The following PSD3 variants were observed in gnomAD, a reference collection of about 807,000 sequenced individuals.
PSD3 encodes the protein PH and SEC7 domain-containing protein 3.
Under a neutral mutation model 105.5 loss-of-function variants are expected in PSD3, and 49 were observed. The ratio of observed to expected loss-of-function variants is 0.46; its 90% CI spans 0.37 to 0.59. The LOEUF is 0.59. Ranked by LOEUF, PSD3 falls within the 20% of genes least tolerant of loss-of-function variation. PSD3 has a pLI of 0.00. For synonymous variants in PSD3, 557 were observed against 457.8 expected, an observed-to-expected ratio of 1.22 and a Z score of -2.77; for missense variants, 1,561 against 1,263.8, an observed-to-expected ratio of 1.24 and a Z score of -3.57.
At chr8:18,619,643 CAAA>C (rs201102600) in intron 11 of PSD3, among the ~76,000 whole-genome samples, 2 of 115,566 alleles carry the variant, frequency 1.7e-5, no homozygotes, top group Admixed American at 8.8e-5. Context: ...AACCTCATCT[CAAA>C]AAAAAAAAAA....
intron 9 of PSD3, among the ~76,000 whole-genome samples, chr8:18,665,870 C>G (rs1799423256): frequency 6.6e-6 from 1 of 152,266 alleles, no homozygotes; most frequent in African/African-American, 2.4e-5. Context: ...ACAAACAAAA[C>G]TAATGATGCA....
chr8:19,064,024 C>A (rs1430398179), intron 1 of PSD3, among the ~76,000 whole-genome samples: 1 of 151,886 alleles, frequency 6.6e-6, no homozygotes, highest in African/African-American at 2.4e-5. Flanking sequence ...ACCTGTAATC[C>A]CAGCTACTCC....
chr8:18,961,398 A>G (rs1267961223), intron 1 of PSD3, among the ~76,000 whole-genome samples: 1 of 152,174 alleles, frequency 6.6e-6, no homozygotes, highest in Non-Finnish European at 1.5e-5. Flanking sequence ...ATAAAAATAA[A>G]TATATGCAGG....
At chr8:18,917,687 C>G in intron 2 of PSD3, among the ~76,000 whole-genome samples, 1 of 152,120 alleles carries the variant, frequency 6.6e-6, no homozygotes, top group Non-Finnish European at 1.5e-5. Flanking sequence ...TTTGCTCTTG[C>G]GATTTCCCAC....
chr8:18,692,990 C>G (rs1222219325), intron 9 of PSD3, among the ~76,000 whole-genome samples: 2 of 152,144 alleles, frequency 1.3e-5, no homozygotes, highest in African/African-American at 4.8e-5. Context: ...GGTACTAGCT[C>G]AACCTCAAGT....
chr8:18,660,470 G>A (rs1032027479), intron 9 of PSD3, among the ~76,000 whole-genome samples: 1 of 152,298 alleles, frequency 6.6e-6, no homozygotes, highest in African/African-American at 2.4e-5. Flanking sequence ...TAGCGTACTA[G>A]AGAATAGCAG....
rs564524098 is a variant in PSD3, at chr8:18,758,702, T to C, written c.2172+6747A>G. Among the ~76,000 whole-genome samples the C allele has an allele frequency of 2.6e-5, 4 of 152,286 alleles. No homozygotes were observed. The South Asian group carries it at 8.3e-4, about 32-fold the overall frequency. On this transcript the variant is annotated intron_variant, in intron 9 of 15. Transcript: ENST00000327040. ...TTTATCTTTGCTGATCTTTTGAGTC[T>C]GTTTAAATTCTACCTTCTTGGCTAA...
chr8:18,649,372 C>G (rs750472835), intron 10 of PSD3, among the ~76,000 whole-genome samples: 2 of 152,222 alleles, frequency 1.3e-5, no homozygotes. Context: ...TAATGACTGT[C>G]CTGCCGGGGT....
intron 1 of PSD3, among the ~76,000 whole-genome samples, chr8:19,012,484 A>G (rs543995734): frequency 2.0e-5 from 3 of 152,214 alleles, no homozygotes; most frequent in Admixed American, 2.0e-4. Flanking sequence ...TTTCCCTCAC[A>G]TCTCACAAAA....
At chr8:19,053,662 G>A (rs76692981) in intron 1 of PSD3, among the ~76,000 whole-genome samples, 6,759 of 152,050 alleles carry the variant, frequency 0.044, 493 homozygotes, top group African/African-American at 0.15. Flanking sequence ...GGTGGTGGTG[G>A]GCGCCTGTAG....
chr8:18,825,347 T>G (rs78714088), intron 4 of PSD3, among the ~76,000 whole-genome samples: 1 of 152,208 alleles, frequency 6.6e-6, no homozygotes, highest in Non-Finnish European at 1.5e-5. Flanking sequence ...CCTGGGAAGC[T>G]TGTTAAAAAC....
chr8:18,794,954 C>T (rs996233909), intron 8 of PSD3, among the ~76,000 whole-genome samples: 2 of 152,142 alleles, frequency 1.3e-5, no homozygotes, highest in African/African-American at 4.8e-5. Context: ...TTATAATAGT[C>T]ATTTTCCACT....
chr8:18,675,300 T>G lies in PSD3; in HGVS notation c.2173-19615A>C, dbSNP rs542827745. 8.4e-4 allele frequency among the ~76,000 whole-genome samples: 128 copies of G among 152,284 alleles called. 1 individual carries two copies. Among genetic ancestry groups the G allele is most frequent in the African/African-American group, 1.9e-3 (81 of 41,554 alleles). On this transcript the variant is annotated intron_variant, in intron 9 of 15. Transcript: ENST00000327040. ...CTGTAAACACCTTGGCCTGCCCCAG[T>G]GGATTTCTGAGTAGTAGAGCTGACG...
At chr8:18,941,019 C>A (rs1031605938) in intron 1 of PSD3, among the ~76,000 whole-genome samples, 1 of 152,186 alleles carries the variant, frequency 6.6e-6, no homozygotes, top group African/African-American at 2.4e-5. Context: ...CATAGCAAGG[C>A]TTATAAATTT....
At chr8:18,898,497 A>C (rs534643826) in intron 2 of PSD3, among the ~76,000 whole-genome samples, 2 of 152,236 alleles carry the variant, frequency 1.3e-5, no homozygotes, top group South Asian at 2.1e-4. Context: ...TTGACCTTTG[A>C]ATAAGATGGG....
intron 2 of PSD3, among the ~76,000 whole-genome samples, chr8:18,890,676 C>T (rs1490710354): frequency 6.6e-6 from 1 of 152,138 alleles, no homozygotes; most frequent in Non-Finnish European, 1.5e-5. Flanking sequence ...TACAAGTCAC[C>T]TGCAAACCTC....
chr8:18,890,234 AC>A (rs1818702359), intron 2 of PSD3, among the ~76,000 whole-genome samples: 2 of 152,226 alleles, frequency 1.3e-5, no homozygotes, highest in South Asian at 4.1e-4. Flanking sequence ...GTTCCAGTAA[AC>A]AAGAAATCAG....
intron 2 of PSD3, among the ~76,000 whole-genome samples, chr8:18,931,062 T>C (rs1311667397): frequency 6.6e-6 from 1 of 152,224 alleles, no homozygotes; most frequent in Non-Finnish European, 1.5e-5. Flanking sequence ...CATCTTTTCA[T>C]GTGCTTACCT....
intron 4 of PSD3, among the ~76,000 whole-genome samples, chr8:18,862,381 A>T (rs935162374): frequency 4.9e-4 from 73 of 149,088 alleles, no homozygotes; most frequent in African/African-American, 6.6e-4. Context: ...TGTGGTTTTT[A>T]AAAAAAAAAA....
Sources: gnomAD v4.1 joint callset for allele counts (sites outside exome capture counted in the v4.1 genomes callset) on GRCh38, gnomAD v4.1.1 for gene constraint, MANE v1.5 for transcripts, NCBI Gene and HGNC (gene_info 2026-07-23, HGNC 2026-07-21) for gene names.